The following CFAP57 variants were observed in gnomAD, a reference collection of about 807,000 sequenced individuals.
CFAP57 encodes the protein cilia- and flagella-associated protein 57.
CFAP57 carries 116 observed loss-of-function variants against 146.8 expected under a neutral mutation model. That is an observed-to-expected ratio of 0.79 (90% CI 0.68 to 0.92). The LOEUF (loss-of-function observed/expected upper bound fraction) is 0.92. Among genes scored for constraint, CFAP57 ranks in the 40% least tolerant of loss-of-function variants. CFAP57 has a pLI of 0.00. For missense variants in CFAP57, 1,377 were observed against 1,527.2 expected, an observed-to-expected ratio of 0.90 and a Z score of 1.64; for synonymous variants, 518 against 552.8, an observed-to-expected ratio of 0.94 and a Z score of 0.88.
At position 43,206,749 on chromosome 1, in the gene CFAP57, T is replaced by C; in HGVS notation, c.1572T>C (p.Asp524=). The C allele has an allele frequency of 6.2e-7, 1 of 1,614,046 alleles. No homozygotes were observed. The highest frequency in any genetic ancestry group is 8.5e-7 in the Non-Finnish European group (1 of 1,180,030). The change falls in exon 10 of 23, where the codon GAT becomes GAC. Residue 524 remains aspartate (D), a synonymous_variant. Coordinates refer to ENST00000372492, the MANE Select transcript of CFAP57 (RefSeq NM_001378189.1). ...GCTCAATTGTGTGGAATGCAGATGA[T>C]AGCAAACTGATTTCTGGTGGCACAG... ...KIRSIVWNAD[D]SKLISGGTDG... is the part of the protein sequence containing the mutation.
chr1:43,237,115 T>A (rs974938341), intron 21 of CFAP57, among the ~76,000 whole-genome samples: 1 of 152,182 alleles, frequency 6.6e-6, no homozygotes, highest in East Asian at 1.9e-4. Flanking sequence ...TGGTGTGTGC[T>A]GGTCAGGAGC....
At chr1:43,229,637 G>C (rs1429584108) in intron 18 of CFAP57, among the ~76,000 whole-genome samples, 1 of 148,622 alleles carries the variant, frequency 6.7e-6, no homozygotes, top group Non-Finnish European at 1.5e-5. Flanking sequence ...ATGATCCAAG[G>C]GTCCCTTTGC....
chr1:43,214,398 A>G (rs1173545404), intron 11 of CFAP57, among the ~76,000 whole-genome samples: 1 of 151,948 alleles, frequency 6.6e-6, no homozygotes. Flanking sequence ...GGCTTTTTCC[A>G]CTCAGCTAAA....
chr1:43,217,639 C>G (rs1644883900), intron 12 of CFAP57, among the ~76,000 whole-genome samples: 1 of 152,124 alleles, frequency 6.6e-6, no homozygotes, highest in Non-Finnish European at 1.5e-5. Context: ...TCTCTCCAAC[C>G]TCTCCATTCC....
At chr1:43,211,445 C>T (rs1277166067) in intron 11 of CFAP57, 2 of 151,838 alleles carry the variant, frequency 1.3e-5, no homozygotes, top group Non-Finnish European at 2.9e-5. Context: ...CGTGGTGGCA[C>T]GTACCTGTAG....
At chr1:43,213,009 A>G (rs1470752640) in intron 11 of CFAP57, among the ~76,000 whole-genome samples, 2 of 151,908 alleles carry the variant, frequency 1.3e-5, no homozygotes, top group African/African-American at 4.8e-5. Flanking sequence ...TCTGTTAGCC[A>G]ATCTCTCTTT....
intron 21 of CFAP57, among the ~76,000 whole-genome samples, chr1:43,235,686 C>T (rs1408313815): frequency 1.3e-5 from 2 of 152,166 alleles, no homozygotes; most frequent in African/African-American, 4.8e-5. Flanking sequence ...GATAGAAGTG[C>T]CTCCAGCTGG....
At chr1:43,228,121 C>T (rs1645325329) in intron 18 of CFAP57, among the ~76,000 whole-genome samples, 1 of 152,216 alleles carries the variant, frequency 6.6e-6, no homozygotes, top group Admixed American at 6.5e-5. Flanking sequence ...ATCCCACCTA[C>T]AGTAAAATCC....
At chr1:43,198,060 C>T (rs1643939724) in intron 7 of CFAP57, among the ~76,000 whole-genome samples, 1 of 152,120 alleles carries the variant, frequency 6.6e-6, no homozygotes, top group South Asian at 2.1e-4. Flanking sequence ...CCTCATCTTT[C>T]TCCCAGGACA....
intron 3 of CFAP57, among the ~76,000 whole-genome samples, chr1:43,182,064 G>A (rs528101415): frequency 4.7e-4 from 71 of 152,294 alleles, no homozygotes; most frequent in Admixed American, 9.8e-4. Flanking sequence ...AGATCACAGA[G>A]GTAGTGAATA....
At chr1:43,228,928 C>T (rs762710724) in intron 18 of CFAP57, among the ~76,000 whole-genome samples, 3 of 148,910 alleles carry the variant, frequency 2.0e-5, no homozygotes, top group Non-Finnish European at 4.4e-5. Context: ...AAGCTCCCTC[C>T]AGCCTCTCGT....
At chr1:43,172,628 A>G in intron 1 of CFAP57, 107 bp from the exon 2 acceptor site, 1 of 806,182 alleles carries the variant, frequency 1.2e-6, no homozygotes, top group Non-Finnish European at 1.9e-6. Context: ...GAGAAAGGGG[A>G]GAGACAAGGG....
At chr1:43,216,134 C>A (rs1250717706) in intron 12 of CFAP57, among the ~76,000 whole-genome samples, 1 of 152,144 alleles carries the variant, frequency 6.6e-6, no homozygotes, top group Non-Finnish European at 1.5e-5. Context: ...ACAGTCATTG[C>A]TGTTTGTCCA....
At position 43,224,083 on chromosome 1, in the gene CFAP57, A is replaced by G. The variant is rs1192218682; in HGVS notation, c.2744A>G (p.Asn915Ser). ...CAGAAGGAGATTGAAGAACGAACCA[A>G]TGACATCGAGACCCTAAAAGGAGAG... ...SLQKEIEERT[N>S]DIETLKGEQM... The change falls in exon 17 of 23, where the codon AAT becomes AGT. Residue 915 changes from asparagine (N) to serine (S), a missense_variant. By Grantham distance (46) the Asn-to-Ser change is conservative. Transcript: ENST00000372492. 1.9e-6 allele frequency: 3 copies of G among 1,550,468 alleles called. No homozygotes were observed. Among genetic ancestry groups the G allele is most frequent in the African/African-American group, 1.4e-5 (1 of 73,042 alleles).
intron 10 of CFAP57, 82 bp downstream of exon 10, chr1:43,207,014 A>G: frequency 4.2e-6 from 6 of 1,442,686 alleles, no homozygotes; most frequent in Non-Finnish European, 5.8e-6. Context: ...CAAAGTATGC[A>G]CGGAATGAGG....
At chr1:43,245,394 G>A (rs1374246256) in intron 22 of CFAP57, among the ~76,000 whole-genome samples, 2 of 151,960 alleles carry the variant, frequency 1.3e-5, no homozygotes, top group Non-Finnish European at 2.9e-5. Flanking sequence ...ACCTCCTCAG[G>A]ATGCCATGTG....
chr1:43,223,382 G>A lies in CFAP57; in HGVS notation c.2706+385G>A, dbSNP rs1002918866. Among the ~76,000 whole-genome samples the A allele has an allele frequency of 1.2e-4, 18 of 152,338 alleles. No individual in the cohort carries two copies. In the South Asian group the frequency reaches 3.7e-3, roughly 32 times the overall value. ...AGATAGATGAAGTCTTGGCCGGGAG[G>A]CATCCTCGGGCTCTTGGTCCAGGGA... On this transcript the variant is annotated intron_variant, in intron 16 of 22. Transcript: ENST00000372492.
intron 2 of CFAP57, among the ~76,000 whole-genome samples, chr1:43,180,204 CT>C (rs1391492191): frequency 2.1e-5 from 3 of 140,022 alleles, no homozygotes; most frequent in African/African-American, 8.5e-5. Flanking sequence ...GAAACTCTAT[CT>C]CAAAAAATAT....
chr1:43,183,944 A>G, intron 4 of CFAP57, 67 bp downstream of exon 4: 1 of 1,599,478 alleles, frequency 6.3e-7, no homozygotes. Flanking sequence ...AGAAGACAGC[A>G]CTCTTTAGAA....
Sources: allele counts gnomAD v4.1 joint callset (sites outside exome capture counted in the v4.1 genomes callset), GRCh38; gene constraint gnomAD v4.1.1; transcripts MANE v1.5; gene names NCBI Gene and HGNC (gene_info 2026-07-23, HGNC 2026-07-21).